GLIS3: variants seen among roughly 807,000 people sequenced by gnomAD.
GLIS3 encodes the protein zinc finger protein GLIS3.
A neutral mutation model predicts 78.6 loss-of-function variants in GLIS3; 53 were observed. The ratio of observed to expected loss-of-function variants is 0.67; its 90% CI spans 0.54 to 0.85. GLIS3 has a LOEUF of 0.85. GLIS3 is among the 40% of genes least tolerant of loss of function. The pLI, the probability that GLIS3 is intolerant of heterozygous loss-of-function variation, is 0.00. For synonymous variants in GLIS3, 684 were observed against 509.9 expected (o/e 1.34, Z -4.60); for missense variants, 1,703 against 1,231.1 (o/e 1.38, Z -5.74).
Position 3,916,459 on chromosome 9 carries a change from GT to G in GLIS3, c.1983+15900del, listed in dbSNP as rs773794305. ...ATCAGGTTCAAAGTATGTTTTGTTGGTTCTCATTGACGCCACTCAAAGGAAC... is the reference window on the plus strand; with the variant it reads ...ATCAGGTTCAAAGTATGTTTTGTTGGTCTCATTGACGCCACTCAAAGGAAC... On this transcript the variant is annotated intron_variant, in intron 6 of 10. Coordinates refer to ENST00000381971, the MANE Select transcript of GLIS3 (RefSeq NM_001042413.2). Among the ~76,000 whole-genome samples, 4 of 152,318 alleles carry G rather than the reference GT, an allele frequency of 2.6e-5. 1 individual carries two copies. Among genetic ancestry groups the G allele is most frequent in the Non-Finnish European group, 5.9e-5 (4 of 68,036 alleles).
chr9:3,856,255 C>T (rs765325790), intron 8 of GLIS3, 71 bp from the exon 9 acceptor site: 11 of 1,376,490 alleles, frequency 8.0e-6, no homozygotes, highest in South Asian at 1.2e-5. Flanking sequence ...CTCTCCAAAG[C>T]CAAATTCTCA....
At chr9:3,869,266 GGTGTGTGTGT>G (rs58818313) in intron 8 of GLIS3, among the ~76,000 whole-genome samples, 109,760 of 151,182 alleles carry the variant, frequency 0.73, 40,198 homozygotes, top group East Asian at 0.96. Context: ...AATTATCTAG[GGTGTGTGTGT>G]GTGTGTGTGT....
intron 2 of GLIS3, among the ~76,000 whole-genome samples, chr9:4,321,226 C>G (rs1175695980): frequency 1.4e-5 from 2 of 143,996 alleles, no homozygotes; most frequent in African/African-American, 5.4e-5. Context: ...CGAGACCATC[C>G]TGGCTAACAC....
intron 2 of GLIS3, among the ~76,000 whole-genome samples, chr9:4,241,294 G>C (rs761809037): frequency 1.9e-4 from 29 of 152,186 alleles, no homozygotes; most frequent in Non-Finnish European, 2.8e-4. Context: ...CTCTTTTTTT[G>C]CAAGACTTGT....
chr9:4,486,714 G>A, the GLIS3 span, among the ~76,000 whole-genome samples: 4 of 152,140 alleles, frequency 2.6e-5, no homozygotes, highest in African/African-American at 7.2e-5. Context: ...AATGGGTGAT[G>A]TAAGGCCTCT....
intron 2 of GLIS3, among the ~76,000 whole-genome samples, chr9:4,314,936 G>C (rs945554761): frequency 3.9e-5 from 6 of 152,224 alleles, no homozygotes; most frequent in African/African-American, 1.4e-4. Context: ...CAGGGATTCA[G>C]AGCTGCTGAG....
intron 4 of GLIS3, among the ~76,000 whole-genome samples, chr9:4,075,829 T>C (rs540025694): frequency 2.0e-5 from 3 of 152,040 alleles, no homozygotes; most frequent in Admixed American, 6.6e-5. Context: ...AAGAACATTA[T>C]ACTGAGGAAA....
At chr9:3,931,327 C>G (rs1405886739) in intron 6 of GLIS3, among the ~76,000 whole-genome samples, 1 of 152,096 alleles carries the variant, frequency 6.6e-6, no homozygotes, top group East Asian at 1.9e-4. Context: ...TAGAGCATTT[C>G]CCAACATAAA....
intron 2 of GLIS3, among the ~76,000 whole-genome samples, chr9:4,207,936 C>G (rs1264528065): frequency 6.6e-6 from 1 of 152,182 alleles, no homozygotes; most frequent in Non-Finnish European, 1.5e-5. Context: ...TCAGCTGCCC[C>G]AAAAATGCTA....
At chr9:3,853,004 T>C (rs1401769537) in intron 9 of GLIS3, among the ~76,000 whole-genome samples, 1 of 151,578 alleles carries the variant, frequency 6.6e-6, no homozygotes, top group East Asian at 1.9e-4. Flanking sequence ...AGCCCAAGAG[T>C]TCAAGACCAG....
chr9:4,224,527 G>C (rs990293269), intron 2 of GLIS3, among the ~76,000 whole-genome samples: 1 of 152,018 alleles, frequency 6.6e-6, no homozygotes, highest in Non-Finnish European at 1.5e-5. Context: ...TAACCTTATG[G>C]ACACTAAGAT....
chr9:3,991,585 T>C (rs1183358436), intron 4 of GLIS3, among the ~76,000 whole-genome samples: 1 of 152,162 alleles, frequency 6.6e-6, no homozygotes, highest in Non-Finnish European at 1.5e-5. Context: ...ATTGATACTT[T>C]CATTTTTGTT....
the GLIS3 span, among the ~76,000 whole-genome samples, chr9:4,364,728 T>A: frequency 2.5e-4 from 34 of 137,130 alleles, no homozygotes; most frequent in African/African-American, 7.9e-4. Context: ...ATATATATAT[T>A]ATGTATTCAT....
intron 8 of GLIS3, among the ~76,000 whole-genome samples, chr9:3,860,057 C>T (rs967304316): frequency 6.6e-5 from 10 of 151,996 alleles, no homozygotes; most frequent in South Asian, 2.1e-4. Context: ...GGGTGGATCA[C>T]GACGTCAGGA....
the GLIS3 span, among the ~76,000 whole-genome samples, chr9:4,461,690 T>G: frequency 6.6e-5 from 10 of 152,106 alleles, no homozygotes; most frequent in Admixed American, 2.0e-4. Context: ...CATTTTGGGG[T>G]AAAGCCTTAA....
At chr9:4,232,190 C>A (rs545028886) in intron 2 of GLIS3, among the ~76,000 whole-genome samples, 1 of 152,046 alleles carries the variant, frequency 6.6e-6, no homozygotes, top group Admixed American at 6.5e-5. Flanking sequence ...CCATCCTAAG[C>A]AACATAGCAA....
At chr9:4,088,018 C>T (rs1177017405) in intron 4 of GLIS3, among the ~76,000 whole-genome samples, 2 of 152,244 alleles carry the variant, frequency 1.3e-5, no homozygotes, top group African/African-American at 4.8e-5. Flanking sequence ...AACAACTCCT[C>T]AATGCCTTTG....
At chr9:4,334,146 C>T (rs1351304512) in intron 2 of GLIS3, among the ~76,000 whole-genome samples, 1 of 152,066 alleles carries the variant, frequency 6.6e-6, no homozygotes, top group African/African-American at 2.4e-5. Context: ...TAAAAATTCA[C>T]CCAAATTTAG....
chr9:3,943,855 T>A (rs1050762650), intron 4 of GLIS3, among the ~76,000 whole-genome samples: 2 of 152,212 alleles, frequency 1.3e-5, no homozygotes, highest in African/African-American at 4.8e-5. Flanking sequence ...CTAAAATTTT[T>A]GTAGAATTAA....
Sources: allele counts gnomAD v4.1 joint callset (sites outside exome capture counted in the v4.1 genomes callset), GRCh38; gene constraint gnomAD v4.1.1; transcripts MANE v1.5; gene names NCBI Gene and HGNC (gene_info 2026-07-23, HGNC 2026-07-21).